The following SLC13A1 variants were observed in gnomAD, a reference collection of about 807,000 sequenced individuals.
SLC13A1 encodes Na(+)/sulfate cotransporter.
SLC13A1 carries 65 observed loss-of-function variants against 70.0 expected under a neutral mutation model. The ratio of observed to expected loss-of-function variants is 0.93; its 90% CI spans 0.76 to 1.14. The LOEUF (loss-of-function observed/expected upper bound fraction) is 1.14. Among genes scored for constraint, SLC13A1 ranks in the 50% most tolerant of loss-of-function variants. The pLI is 0.00. For missense variants in SLC13A1, 726 were observed against 717.8 expected (o/e 1.01, Z -0.13); for synonymous variants, 275 against 250.5 (o/e 1.10, Z -0.92).
At chr7:123,122,429 G>A (rs1793414375) in intron 12 of SLC13A1, among the ~76,000 whole-genome samples, 1 of 152,130 alleles carries the variant, frequency 6.6e-6, no homozygotes, top group African/African-American at 2.4e-5. Flanking sequence ...TAATTTTCAT[G>A]GAAATTTGGG....
At chr7:123,155,220 A>G (rs1477726313) in intron 6 of SLC13A1, among the ~76,000 whole-genome samples, 1 of 149,662 alleles carries the variant, frequency 6.7e-6, no homozygotes, top group African/African-American at 2.5e-5. Context: ...TTTTTAATAT[A>G]CTCTTCTCTT....
chr7:123,135,723 T>C (rs1291282935), intron 7 of SLC13A1, among the ~76,000 whole-genome samples: 1 of 152,128 alleles, frequency 6.6e-6, no homozygotes, highest in Non-Finnish European at 1.5e-5. Flanking sequence ...AACTCTAGAT[T>C]TCTAAGGTTT....
intron 11 of SLC13A1, among the ~76,000 whole-genome samples, chr7:123,124,385 C>T (rs1193877300): frequency 2.6e-5 from 4 of 152,164 alleles, no homozygotes; most frequent in Admixed American, 2.0e-4. Flanking sequence ...TTGAGATATT[C>T]TAATCTCAAG....
chr7:123,139,090 G>C (rs1794046981), intron 7 of SLC13A1, among the ~76,000 whole-genome samples: 1 of 152,008 alleles, frequency 6.6e-6, no homozygotes, highest in Non-Finnish European at 1.5e-5. Flanking sequence ...TTTCATTTTT[G>C]TTTATGGCAA....
chr7:123,146,008 T>C (rs1474231621), intron 7 of SLC13A1, among the ~76,000 whole-genome samples: 1 of 152,186 alleles, frequency 6.6e-6, no homozygotes, highest in Non-Finnish European at 1.5e-5. Context: ...ATTGTGTCTG[T>C]CTTCTTGAAA....
intron 1 of SLC13A1, among the ~76,000 whole-genome samples, chr7:123,198,269 T>G (rs1425413339): frequency 6.6e-6 from 1 of 151,784 alleles, no homozygotes; most frequent in Non-Finnish European, 1.5e-5. Flanking sequence ...CTGCCAGAGA[T>G]TCATATAGGA....
intron 8 of SLC13A1, among the ~76,000 whole-genome samples, chr7:123,133,417 C>A (rs1465396363): frequency 1.3e-5 from 2 of 149,334 alleles, no homozygotes; most frequent in Admixed American, 6.6e-5. Context: ...GAGGGGCAAA[C>A]CTTAAAATTC....
chr7:123,191,340 AT>A (rs1795991064), intron 1 of SLC13A1, among the ~76,000 whole-genome samples: 1 of 152,116 alleles, frequency 6.6e-6, no homozygotes, highest in African/African-American at 2.4e-5. Flanking sequence ...TGAGAAAACC[AT>A]TTTCCAGCCC....
rs956195784 is a variant in SLC13A1, at chr7:123,118,978, A to G, written c.1512+103T>C. 5 of 1,058,610 alleles carry G rather than the reference A, an allele frequency of 4.7e-6. No individual in the cohort carries two copies. The Admixed American group carries it at 7.6e-5, about 16-fold the overall frequency. The allele number at this position is 1,058,610 out of a possible 1,614,324, so 65.6% of individuals were successfully genotyped here. A position where few individuals can be genotyped will look rare whatever the true frequency, so the allele number is the denominator to read the frequency against. ...CCTGTAAGTTACTTACAGGAGGCCCATTTAGACCAAAAGAGATTCCATACC... is the reference window on the plus strand; with the variant it reads ...CCTGTAAGTTACTTACAGGAGGCCCGTTTAGACCAAAAGAGATTCCATACC... On this transcript the variant is annotated intron_variant, in intron 13 of 14. Transcript: ENST00000194130.
intron 2 of SLC13A1, among the ~76,000 whole-genome samples, chr7:123,172,527 CAGA>C (rs1452533835): frequency 6.6e-6 from 1 of 152,186 alleles, no homozygotes; most frequent in African/African-American, 2.4e-5. Flanking sequence ...GAGGCTGAGA[CAGA>C]AGAATTGCTT....
chr7:123,123,052 A>G, intron 12 of SLC13A1, 74 bp downstream of exon 12: 1 of 1,203,404 alleles, frequency 8.3e-7, no homozygotes, highest in Non-Finnish European at 1.2e-6. Flanking sequence ...AATATGCCCA[A>G]AGATTGAATG....
chr7:123,180,635 C>A (rs1441326129), intron 2 of SLC13A1, among the ~76,000 whole-genome samples: 1 of 152,014 alleles, frequency 6.6e-6, no homozygotes, highest in African/African-American at 2.4e-5. Context: ...TTTCCAACAC[C>A]GTGAGGCTGA....
chr7:123,190,712 T>C (rs1795964434), intron 1 of SLC13A1: 1 of 440,918 alleles, frequency 2.3e-6, no homozygotes, highest in Non-Finnish European at 4.6e-6. Flanking sequence ...CATTAGAGTG[T>C]CTAAGACTCA....
At chr7:123,170,250 G>T (rs142966241) in intron 3 of SLC13A1, among the ~76,000 whole-genome samples, 4 of 152,208 alleles carry the variant, frequency 2.6e-5, no homozygotes, top group Non-Finnish European at 5.9e-5. Flanking sequence ...TTCAGACTCA[G>T]ATAAGGTGAA....
intron 7 of SLC13A1, among the ~76,000 whole-genome samples, chr7:123,137,197 T>A (rs111937013): frequency 1.1e-5 from 1 of 93,954 alleles, no homozygotes; most frequent in Non-Finnish European, 2.8e-5. Flanking sequence ...GAGTGGAAAC[T>A]GTGTGATGTT....
chr7:123,119,367 C>CT lies in SLC13A1; in HGVS notation c.1351-126dup, dbSNP rs936984519. Reference sequence around the variant, plus strand: ...TTTCTAAAATATAATTTTAATCTCTCTTTTTTTCTGTGGTTTGGTAGGTCT... The same window carrying CT: ...TTTCTAAAATATAATTTTAATCTCTCTTTTTTTTCTGTGGTTTGGTAGGTCT... On this transcript the variant is annotated intron_variant, in intron 12 of 14. Coordinates refer to ENST00000194130, the MANE Select transcript of SLC13A1 (RefSeq NM_022444.4). The CT allele has an allele frequency of 4.7e-5, 35 of 747,510 alleles. No individual in the cohort carries two copies. The African/African-American group carries it at 5.1e-4, about 11-fold the overall frequency. The allele number at this position is 747,510 out of a possible 1,614,324, so 46.3% of individuals were successfully genotyped here.
intron 13 of SLC13A1, among the ~76,000 whole-genome samples, chr7:123,118,297 A>T (rs1306423405): frequency 1.3e-5 from 2 of 152,182 alleles, no homozygotes; most frequent in Non-Finnish European, 2.9e-5. Context: ...GAGAAATTTT[A>T]AAAAAGCAGA....
intron 2 of SLC13A1, among the ~76,000 whole-genome samples, chr7:123,175,165 A>G (rs961338488): frequency 3.9e-5 from 6 of 152,104 alleles, no homozygotes; most frequent in Non-Finnish European, 7.4e-5. Context: ...AGACTTAAAG[A>G]GCTTACAAGC....
At chr7:123,193,020 ACACCTAACCAG>A (rs1223778661) in intron 1 of SLC13A1, among the ~76,000 whole-genome samples, 3 of 152,076 alleles carry the variant, frequency 2.0e-5, no homozygotes, top group Non-Finnish European at 4.4e-5. Context: ...CTCAACCTCC[ACACCTAACCAG>A]CACCTGAGAT....
Sources: gnomAD v4.1 joint callset for allele counts (sites outside exome capture counted in the v4.1 genomes callset) on GRCh38, gnomAD v4.1.1 for gene constraint, MANE v1.5 for transcripts, NCBI Gene and HGNC (gene_info 2026-07-23, HGNC 2026-07-21) for gene names.